The following SFMBT1 variants were observed in gnomAD, a reference collection of about 807,000 sequenced individuals.
SFMBT1 encodes the protein scm-like with four MBT domains protein 1.
Under a neutral mutation model 108.7 loss-of-function variants are expected in SFMBT1, and 32 were observed. The observed-to-expected ratio is 0.29, with a 90% confidence interval of 0.22 to 0.40. The LOEUF (loss-of-function observed/expected upper bound fraction) is 0.40, where lower values mean the gene tolerates loss of function less well. Ranked by LOEUF, SFMBT1 falls within the 10% of genes least tolerant of loss-of-function variation. SFMBT1 has a pLI of 1.00. For missense variants in SFMBT1, 816 were observed against 1,059.6 expected, an observed-to-expected ratio of 0.77 and a Z score of 3.19; for synonymous variants, 348 against 369.5, an observed-to-expected ratio of 0.94 and a Z score of 0.67.
intron 1 of SFMBT1, among the ~76,000 whole-genome samples, chr3:52,986,483 T>C (rs561795736): frequency 7.9e-5 from 12 of 152,144 alleles, no homozygotes; most frequent in South Asian, 2.1e-4. Context: ...AAATATTTTT[T>C]TGGTCGGGCG....
intron 15 of SFMBT1, 115 bp from the exon 16 acceptor site, chr3:52,912,762 A>AT: frequency 1.3e-6 from 1 of 749,790 alleles, no homozygotes; most frequent in Non-Finnish European, 2.3e-6. Context: ...AATTCTAGTC[A>AT]TATGAATTAA....
At chr3:52,964,420 G>A (rs948044322) in intron 2 of SFMBT1, among the ~76,000 whole-genome samples, 10 of 152,170 alleles carry the variant, frequency 6.6e-5, no homozygotes, top group African/African-American at 2.4e-4. Flanking sequence ...AGGCTGAGGT[G>A]GGAAGATCAC....
Position 52,934,816 on chromosome 3 carries a change from C to A in SFMBT1, c.450G>T (p.Glu150Asp). Residue 150 changes from glutamate to aspartate, a missense_variant, in exon 5 of 21, where the codon GAG becomes GAT. Glu to Asp is a conservative substitution (Grantham distance 45). This residue lies in a region of SFMBT1 where 495 missense variants were observed against 607.4 expected (regional missense o/e 0.81). Coordinates refer to ENST00000394752, the MANE Select transcript of SFMBT1 (RefSeq NM_016329.4). ...TGTGGCATGTAGTAATACTCACGCC[C>A]TCTAGCAGCGGAACAGGAGGACTAC... ...GACSPPVPLLEGLRNGRNPLD... is the reference protein window; with the variant it reads ...GACSPPVPLLDGLRNGRNPLD... The A allele has an allele frequency of 6.2e-7, 1 of 1,612,834 alleles. No homozygotes were observed. Among genetic ancestry groups the A allele is most frequent in the Non-Finnish European group, 8.5e-7 (1 of 1,179,384 alleles).
At chr3:52,905,976 TA>T (rs1559505348) in intron 20 of SFMBT1, 136 bp downstream of exon 20, 3 of 1,019,278 alleles carry the variant, frequency 2.9e-6, no homozygotes, top group Non-Finnish European at 4.2e-6. Context: ...CTTTGACTCC[TA>T]AAAATGGAAT....
At chr3:52,952,691 C>T (rs1703634166) in intron 3 of SFMBT1, among the ~76,000 whole-genome samples, 1 of 152,178 alleles carries the variant, frequency 6.6e-6, no homozygotes, top group South Asian at 2.1e-4. Context: ...AGCAAACAAG[C>T]TCTCTCAAGC....
intron 1 of SFMBT1, among the ~76,000 whole-genome samples, chr3:52,974,504 T>C (rs141751143): frequency 8.5e-4 from 130 of 152,340 alleles, no homozygotes; most frequent in African/African-American, 3.1e-3. Flanking sequence ...AACGTTGTCC[T>C]TCCATTTGTC....
rs376443897 is a variant in SFMBT1, at chr3:52,983,009, C to A, written c.-130-13751G>T. On this transcript the variant is annotated intron_variant, in intron 1 of 20. Transcript: ENST00000394752. ...CAAACAGTGGAAGAGGAGTTGATAC[C>A]ATATAGAAACAGTTTTAGAGGAAGG... Among the ~76,000 whole-genome samples, 3 of 152,026 alleles carry A rather than the reference C, an allele frequency of 2.0e-5. No homozygotes were observed. The South Asian group carries it at 6.2e-4, about 32-fold the overall frequency.
At chr3:53,042,660 G>A (rs1048606321) in intron 1 of SFMBT1, among the ~76,000 whole-genome samples, 1 of 152,112 alleles carries the variant, frequency 6.6e-6, no homozygotes, top group African/African-American at 2.4e-5. Flanking sequence ...ATTTTTAAAA[G>A]GAAAAATCTG....
At chr3:53,023,477 T>G (rs1176290606) in intron 1 of SFMBT1, among the ~76,000 whole-genome samples, 1 of 152,238 alleles carries the variant, frequency 6.6e-6, no homozygotes, top group Non-Finnish European at 1.5e-5. Context: ...ACTACTCAGT[T>G]TAATTTGTTC....
chr3:52,934,887 C>A lies in SFMBT1; in HGVS notation c.379G>T (p.Val127Leu), dbSNP rs765577648. 11 of 1,613,082 alleles carry A rather than the reference C, an allele frequency of 6.8e-6. No homozygotes were observed. The highest frequency in any genetic ancestry group is 5.5e-5 in the South Asian group (5 of 90,820). ...LEAPEGIRDKVSDWDEFLRQT... is the reference protein window; with the variant it reads ...LEAPEGIRDKLSDWDEFLRQT... ...CGCAGAAACTCATCCCAGTCAGATA[C>A]TTTATCTCTGATGCCTAGATGAGGG... The change falls in exon 5 of 21, where the codon GTA becomes TTA. Residue 127 changes from valine (V) to leucine (L), a missense_variant. By Grantham distance (32) the Val-to-Leu change is conservative (BLOSUM62 1). This residue lies in a region of SFMBT1 where 495 missense variants were observed against 607.4 expected (regional missense o/e 0.81). Transcript: ENST00000394752.
At chr3:52,958,270 C>A (rs564374675) in intron 2 of SFMBT1, among the ~76,000 whole-genome samples, 4 of 152,252 alleles carry the variant, frequency 2.6e-5, no homozygotes, top group Admixed American at 6.5e-5. Context: ...TACCATCTCA[C>A]GCCAGTCAGA....
intron 1 of SFMBT1, among the ~76,000 whole-genome samples, chr3:53,025,559 T>C (rs1256389265): frequency 6.6e-6 from 1 of 152,090 alleles, no homozygotes; most frequent in Non-Finnish European, 1.5e-5. Flanking sequence ...GATGATTCAG[T>C]GAGCCATGAT....
At chr3:52,965,556 A>C (rs1276383416) in intron 2 of SFMBT1, among the ~76,000 whole-genome samples, 1 of 152,190 alleles carries the variant, frequency 6.6e-6, no homozygotes, top group Non-Finnish European at 1.5e-5. Flanking sequence ...GGCCAGAAAG[A>C]AGTAGCACAA....
At chr3:53,012,364 G>A (rs554695552) in intron 1 of SFMBT1, among the ~76,000 whole-genome samples, 1 of 152,176 alleles carries the variant, frequency 6.6e-6, no homozygotes, top group East Asian at 1.9e-4. Flanking sequence ...AAGATTCAAT[G>A]GCTGCTAAAA....
At chr3:53,004,693 T>C (rs1057456716) in intron 1 of SFMBT1, among the ~76,000 whole-genome samples, 10 of 150,234 alleles carry the variant, frequency 6.7e-5, no homozygotes, top group African/African-American at 1.7e-4. Flanking sequence ...ACACAACTTC[T>C]TGTGTACAAA....
At chr3:52,966,529 G>A (rs1445986121) in intron 2 of SFMBT1, among the ~76,000 whole-genome samples, 5 of 147,126 alleles carry the variant, frequency 3.4e-5, no homozygotes, top group Non-Finnish European at 7.4e-5. Context: ...GGAGGCTGAG[G>A]CAGGAGAATG....
chr3:52,911,656 A>G (rs1397492488), intron 16 of SFMBT1, among the ~76,000 whole-genome samples: 1 of 152,210 alleles, frequency 6.6e-6, no homozygotes, highest in Non-Finnish European at 1.5e-5. Flanking sequence ...CTTACATCTA[A>G]TAACAAAAAT....
chr3:52,906,137 T>C lies in SFMBT1; in HGVS notation c.2436A>G (p.Pro812=), dbSNP rs771809875. The change falls in exon 20 of 21, where the codon CCA becomes CCG. Residue 812 remains proline (P), a synonymous_variant. Transcript: ENST00000394752. ...CCTGGTCTAGGAATATTCTTGCTAA[T>C]GGAGCACAGTCAGTGGATCTGATGA... ...VRFIRSTDCA[P]LARIFLDQEI... 6.2e-7 allele frequency: 1 copy of C among 1,614,174 alleles called. No homozygotes were observed. The highest frequency in any genetic ancestry group is 8.5e-7 in the Non-Finnish European group (1 of 1,179,986).
chr3:52,929,556 A>C lies in SFMBT1; in HGVS notation c.897+773T>G, dbSNP rs975064164. ...ACCCGGCCAAAGAGATAACTTTATG[A>C]ACTTCCTCTGGCTTCCCACTAGCCC... On this transcript the variant is annotated intron_variant, in intron 8 of 20. Coordinates refer to ENST00000394752, the MANE Select transcript of SFMBT1 (RefSeq NM_016329.4). Among the ~76,000 whole-genome samples, 4 of 152,134 alleles carry C rather than the reference A, an allele frequency of 2.6e-5. No individual in the cohort carries two copies. In the East Asian group the frequency reaches 7.7e-4, roughly 29 times the overall value.
Sources: allele counts gnomAD v4.1 joint callset (sites outside exome capture counted in the v4.1 genomes callset), GRCh38; gene constraint gnomAD v4.1.1; regional missense constraint gnomAD v4.1.1; transcripts MANE v1.5; gene names NCBI Gene and HGNC (gene_info 2026-07-23, HGNC 2026-07-21).